Variants in HPCAL1 observed in about 807,000 individuals in gnomAD.
HPCAL1 encodes the protein hippocalcin like 1, also known as hippocalcin-like protein 1.
HPCAL1 carries 8 observed loss-of-function variants against 17.1 expected under a neutral mutation model. The observed-to-expected ratio is 0.47, with a 90% CI of 0.27 to 0.84. HPCAL1 has a LOEUF of 0.84. Among genes scored for constraint, HPCAL1 ranks in the 40% least tolerant of loss-of-function variants. HPCAL1 has a pLI of 0.13. For missense variants in HPCAL1, 165 were observed against 271.1 expected (o/e 0.61, Z 2.75); for synonymous variants, 112 against 111.4 (o/e 1.01, Z -0.03).
rs538986954 is a variant in HPCAL1, at chr2:10,427,021, C to T, written c.*200C>T. ...GACATTCCTCCCCTCACGCCTGGCC[C>T]GGTCCCTTCCAGGGCAACTCCCAGG... On this transcript the variant is annotated 3_prime_UTR_variant, in exon 5 of 5. Transcript: ENST00000307845. 3.1e-4 allele frequency: 181 copies of T among 580,676 alleles called. No homozygotes were observed. The highest frequency in any genetic ancestry group is 6.1e-4 in the East Asian group (21 of 34,312). 36.0% of individuals were successfully genotyped at this position (580,676 alleles called of 1,614,324 possible).
chr2:10,319,235 C>T (rs1429346241), intron 1 of HPCAL1, among the ~76,000 whole-genome samples: 1 of 152,178 alleles, frequency 6.6e-6, no homozygotes. Flanking sequence ...TTCCATCCCC[C>T]AGTCTGGAGT....
intron 2 of HPCAL1, among the ~76,000 whole-genome samples, chr2:10,399,446 C>CATA: frequency 1.0e-5 from 1 of 98,218 alleles, no homozygotes; most frequent in East Asian, 3.0e-4. Context: ...CCACCATCAC[C>CATA]ATCACCACCA....
intron 1 of HPCAL1, chr2:10,368,851 A>G (rs1358104526): frequency 1.3e-5 from 2 of 152,248 alleles, no homozygotes; most frequent in African/African-American, 4.8e-5. Flanking sequence ...CCGACATTTC[A>G]GTACTTGCGG....
chr2:10,374,616 A>G (rs577273099), intron 1 of HPCAL1, among the ~76,000 whole-genome samples: 1 of 152,356 alleles, frequency 6.6e-6, no homozygotes, highest in South Asian at 2.1e-4. Context: ...CCAGAAATGC[A>G]GGGAGACAGA....
At chr2:10,399,311 C>A (rs1283866033) in intron 2 of HPCAL1, among the ~76,000 whole-genome samples, 2 of 144,556 alleles carry the variant, frequency 1.4e-5, no homozygotes, top group Non-Finnish European at 3.1e-5. Flanking sequence ...CCACCACCAC[C>A]ACCACCACCA....
intron 1 of HPCAL1, among the ~76,000 whole-genome samples, chr2:10,358,343 C>A (rs1002539891): frequency 6.6e-6 from 1 of 152,202 alleles, no homozygotes; most frequent in Admixed American, 6.5e-5. Flanking sequence ...CCTGAACTCC[C>A]AGCTGATACG....
rs372685263 is a variant in HPCAL1, at chr2:10,336,066, G to A, written c.-111+32889G>A. ...TCTGCTGTAAATTAATTGCATGTGC[G>A]TATCCTCTGCTGTAAATTAATTGCA... On this transcript the variant is annotated intron_variant, in intron 1 of 4. Coordinates refer to ENST00000307845, the MANE Select transcript of HPCAL1 (RefSeq NM_002149.4). Among the ~76,000 whole-genome samples, 266 of 122,352 alleles carry A rather than the reference G, an allele frequency of 2.2e-3. 4 individuals carry two copies. Among genetic ancestry groups the A allele is most frequent in the African/African-American group, 7.3e-3 (203 of 27,730 alleles). 80.3% of individuals were successfully genotyped at this position (122,352 alleles called of 152,430 possible).
intron 1 of HPCAL1, among the ~76,000 whole-genome samples, chr2:10,349,479 G>C (rs920122644): frequency 7.2e-6 from 1 of 139,414 alleles, no homozygotes; most frequent in Non-Finnish European, 1.6e-5. Flanking sequence ...AGGCTGAGGC[G>C]GGTGGATCAT....
rs1429366486 is a variant in HPCAL1, at chr2:10,399,031, G to C, written c.-25+2111G>C. 2.6e-5 allele frequency among the ~76,000 whole-genome samples: 4 copies of C among 151,868 alleles called. No individual in the cohort carries two copies. The East Asian group carries it at 7.8e-4, about 29-fold the overall frequency. ...ATGTCCTGGCCCGAGGCCACTGTCA[G>C]CACGGGTGCACAGGGGAGGCGCCTG... On this transcript the variant is annotated intron_variant, in intron 2 of 4. Coordinates refer to ENST00000307845, the MANE Select transcript of HPCAL1 (RefSeq NM_002149.4).
At chr2:10,306,237 T>G (rs1662613447) in intron 1 of HPCAL1, among the ~76,000 whole-genome samples, 1 of 152,118 alleles carries the variant, frequency 6.6e-6, no homozygotes, top group Non-Finnish European at 1.5e-5. Flanking sequence ...GCTTGTTCAT[T>G]GTGGGATAAT....
chr2:10,339,111 C>T (rs1035516758), intron 1 of HPCAL1, among the ~76,000 whole-genome samples: 1 of 151,952 alleles, frequency 6.6e-6, no homozygotes, highest in Admixed American at 6.6e-5. Flanking sequence ...GGAATGGGTG[C>T]CCATCATTCA....
chr2:10,407,251 C>T (rs1369977628), intron 2 of HPCAL1, among the ~76,000 whole-genome samples: 2 of 152,134 alleles, frequency 1.3e-5, no homozygotes, highest in African/African-American at 4.8e-5. Flanking sequence ...TCCAGAATAC[C>T]GAGTCTGAAT....
In HPCAL1 at chr2:10,342,791, C is replaced by T. The variant is rs1204335703; in HGVS notation, c.-111+39614C>T. ...TGGGCCAGCTGCCCTCCAGTAGCTA[C>T]GCAGGATGCTCTGGCCGGCCTCTGA... On this transcript the variant is annotated intron_variant, in intron 1 of 4. Coordinates refer to ENST00000307845, the MANE Select transcript of HPCAL1 (RefSeq NM_002149.4). This position sits in a 1 kb window ranked among gnomAD's most constrained non-coding sequence, Gnocchi z 4.1. 1.3e-5 allele frequency among the ~76,000 whole-genome samples: 2 copies of T among 152,220 alleles called. No individual in the cohort carries two copies. Among genetic ancestry groups the T allele is most frequent in the East Asian group, 3.9e-4 (2 of 5,192 alleles).
rs1288973144 is a variant in HPCAL1, at chr2:10,304,879, G to T, written c.-111+1702G>T. Among the ~76,000 whole-genome samples the T allele has an allele frequency of 5.9e-5, 9 of 151,976 alleles. No homozygotes were observed. Among genetic ancestry groups the T allele is most frequent in the Admixed American group, 5.9e-4 (9 of 15,242 alleles). ...CGGCATGGGGTTGGGCTGCGGAGGG[G>T]ACAGCATGGGCGGCCTTTTGGTATG... On this transcript the variant is annotated intron_variant, in intron 1 of 4. Coordinates refer to ENST00000307845, the MANE Select transcript of HPCAL1 (RefSeq NM_002149.4). This position sits in a 1 kb window ranked among gnomAD's most constrained non-coding sequence, Gnocchi z 4.1.
intron 1 of HPCAL1, among the ~76,000 whole-genome samples, chr2:10,369,740 C>T (rs572998581): frequency 3.9e-5 from 6 of 152,168 alleles, no homozygotes; most frequent in Non-Finnish European, 8.8e-5. Flanking sequence ...GAAACTGTCA[C>T]CAGGTCCTTA....
intron 2 of HPCAL1, among the ~76,000 whole-genome samples, chr2:10,407,246 A>G (rs1670031790): frequency 6.6e-6 from 1 of 152,204 alleles, no homozygotes; most frequent in East Asian, 1.9e-4. Flanking sequence ...AGATTTCCAG[A>G]ATACCGAGTC....
rs910441871 is a variant in HPCAL1, at chr2:10,365,713, C to T, written c.-110-31122C>T. Among the ~76,000 whole-genome samples, 1 of 152,184 alleles carries T rather than the reference C, an allele frequency of 6.6e-6. No individual in the cohort carries two copies. The highest frequency in any genetic ancestry group is 2.4e-5 in the African/African-American group (1 of 41,444). On this transcript the variant is annotated intron_variant, in intron 1 of 4. Transcript: ENST00000307845. The surrounding 1 kb of genome is among the most constrained non-coding windows in gnomAD (Gnocchi z 4.8). Reference sequence around the variant, plus strand: ...CCACCCTCCTTCAGGCTCCCTACACCCACCTGAGTGGGCCTTTCTGTGTTC... The same window carrying T: ...CCACCCTCCTTCAGGCTCCCTACACTCACCTGAGTGGGCCTTTCTGTGTTC...
chr2:10,399,370 TCAC>T (rs1558518083), intron 2 of HPCAL1, among the ~76,000 whole-genome samples: 52 of 1,376 alleles, frequency 0.038, no homozygotes, highest in Non-Finnish European at 0.047. Context: ...ACTACCATCA[TCAC>T]CACCACCACC....
At chr2:10,357,790 C>T (rs546054333) in intron 1 of HPCAL1, among the ~76,000 whole-genome samples, 14 of 151,622 alleles carry the variant, frequency 9.2e-5, no homozygotes, top group Non-Finnish European at 1.9e-4. Context: ...GTAACAACAA[C>T]AAAACCGTCC....
Sources: allele counts gnomAD v4.1 joint callset (sites outside exome capture counted in the v4.1 genomes callset), GRCh38; gene constraint gnomAD v4.1.1; non-coding constraint Gnocchi (gnomAD v3.1); transcripts MANE v1.5; gene names NCBI Gene and HGNC (gene_info 2026-07-23, HGNC 2026-07-21).